Variants in CNTNAP2 observed in about 807,000 individuals in gnomAD.
The protein encoded by CNTNAP2 is contactin-associated protein-like 2.
CNTNAP2 carries 98 observed loss-of-function variants against 155.2 expected under a neutral mutation model. The ratio of observed to expected loss-of-function variants is 0.63; its 90% CI spans 0.54 to 0.75. The LOEUF (loss-of-function observed/expected upper bound fraction) is 0.75. Among genes scored for constraint, CNTNAP2 ranks in the 30% least tolerant of loss-of-function variants. CNTNAP2 has a pLI of 0.00. For missense variants in CNTNAP2, 1,727 were observed against 1,688.1 expected (o/e 1.02, Z -0.40); for synonymous variants, 651 against 631.2 (o/e 1.03, Z -0.47).
At position 148,229,787 on chromosome 7, in the gene CNTNAP2, T is replaced by G. The variant is rs1457382578; in HGVS notation, c.3381+8T>G. 1.9e-6 allele frequency: 3 copies of G among 1,614,018 alleles called. No homozygotes were observed. In the East Asian group the frequency reaches 6.7e-5, roughly 36 times the overall value. ...AAGACCATCTTTCTCAAGGTATACATACATGTACATATAAATTACATATAA... is the reference window on the plus strand; with the variant it reads ...AAGACCATCTTTCTCAAGGTATACAGACATGTACATATAAATTACATATAA... On this transcript the variant is annotated splice_region_variant and intron_variant, in intron 20 of 23. Transcript: ENST00000361727.
chr7:147,999,946 T>C (rs1341825983), intron 15 of CNTNAP2, among the ~76,000 whole-genome samples: 2 of 152,138 alleles, frequency 1.3e-5, no homozygotes, highest in Non-Finnish European at 2.9e-5. Flanking sequence ...CCCCCAGTAC[T>C]GTGGGAGAAT....
chr7:147,399,178 C>T (rs778245774), intron 10 of CNTNAP2, among the ~76,000 whole-genome samples: 4 of 152,052 alleles, frequency 2.6e-5, no homozygotes, highest in Non-Finnish European at 2.9e-5. Context: ...AAGGAATAGA[C>T]GCCAGAACAA....
chr7:147,522,739 T>A (rs1799249519), intron 11 of CNTNAP2, among the ~76,000 whole-genome samples: 3 of 136,874 alleles, frequency 2.2e-5, no homozygotes, highest in Middle Eastern at 5.2e-3. Context: ...GCTGTGCCCA[T>A]ACTCAAACTT....
chr7:148,077,047 T>G (rs1205965225), intron 15 of CNTNAP2, among the ~76,000 whole-genome samples: 2 of 151,896 alleles, frequency 1.3e-5, no homozygotes, highest in African/African-American at 4.8e-5. Context: ...GTGGGTCACG[T>G]CTGTAATCCC....
At chr7:146,214,388 A>G (rs1799082408) in intron 1 of CNTNAP2, among the ~76,000 whole-genome samples, 1 of 152,196 alleles carries the variant, frequency 6.6e-6, no homozygotes, top group Non-Finnish European at 1.5e-5. Flanking sequence ...TTTACCATTC[A>G]ACATTGTTTA....
intron 15 of CNTNAP2, among the ~76,000 whole-genome samples, chr7:148,095,882 T>C (rs1336953530): frequency 6.6e-6 from 1 of 152,236 alleles, no homozygotes; most frequent in East Asian, 1.9e-4. Flanking sequence ...CACAGTGGAA[T>C]GCTTTATTGC....
chr7:148,037,781 T>C (rs1802597929), intron 15 of CNTNAP2, among the ~76,000 whole-genome samples: 1 of 152,254 alleles, frequency 6.6e-6, no homozygotes, highest in African/African-American at 2.4e-5. Context: ...CATAGACATG[T>C]ATGAATAGGA....
chr7:148,145,056 C>G (rs1008719168), intron 16 of CNTNAP2, among the ~76,000 whole-genome samples: 1 of 152,084 alleles, frequency 6.6e-6, no homozygotes, highest in Admixed American at 6.6e-5. Context: ...AAAAAAGAGC[C>G]CTTTCCTTGG....
At chr7:147,987,577 G>A (rs1471516186) in intron 15 of CNTNAP2, among the ~76,000 whole-genome samples, 1 of 152,214 alleles carries the variant, frequency 6.6e-6, no homozygotes, top group Non-Finnish European at 1.5e-5. Flanking sequence ...TTTATTCTGA[G>A]CCAAATATGA....
intron 1 of CNTNAP2, among the ~76,000 whole-genome samples, chr7:146,717,112 G>A (rs1483862037): frequency 1.3e-5 from 2 of 152,034 alleles, no homozygotes; most frequent in African/African-American, 4.8e-5. Flanking sequence ...AGGTTATATA[G>A]GTGAAAGATC....
In CNTNAP2 at chr7:147,258,093, T is replaced by C. The variant is rs927900435; in HGVS notation, c.1349-42048T>C. On this transcript the variant is annotated intron_variant, in intron 8 of 23. Coordinates refer to ENST00000361727, the MANE Select transcript of CNTNAP2 (RefSeq NM_014141.6). ...AATATAGAGACAGAGACGTTCAAAG[T>C]AATAGATGGCAAGAAACCACAGGAA... is the stretch of plus-strand genomic sequence containing the variant. 3.9e-5 allele frequency among the ~76,000 whole-genome samples: 6 copies of C among 152,206 alleles called. No homozygotes were observed. In the South Asian group the frequency reaches 1.0e-3, roughly 26 times the overall value.
At chr7:146,584,598 C>G (rs554830944) in intron 1 of CNTNAP2, among the ~76,000 whole-genome samples, 5 of 152,148 alleles carry the variant, frequency 3.3e-5, no homozygotes, top group African/African-American at 1.2e-4. Context: ...TTCACATCCT[C>G]GCACTACATC....
At chr7:148,049,972 G>C (rs1304425307) in intron 15 of CNTNAP2, among the ~76,000 whole-genome samples, 2 of 152,114 alleles carry the variant, frequency 1.3e-5, no homozygotes, top group African/African-American at 4.8e-5. Context: ...AGACCAGCCT[G>C]GTTAACATGC....
At chr7:147,792,996 T>C (rs1474909591) in intron 13 of CNTNAP2, among the ~76,000 whole-genome samples, 1 of 152,186 alleles carries the variant, frequency 6.6e-6, no homozygotes, top group African/African-American at 2.4e-5. Context: ...TTTATCTTAC[T>C]TGGAGCAAGT....
At chr7:148,044,148 G>A (rs933723815) in intron 15 of CNTNAP2, among the ~76,000 whole-genome samples, 9 of 150,100 alleles carry the variant, frequency 6.0e-5, no homozygotes, top group South Asian at 4.2e-4. Flanking sequence ...GTGTGGATCC[G>A]AGTTCATATC....
chr7:148,324,623 C>A (rs1410201057), intron 21 of CNTNAP2, among the ~76,000 whole-genome samples: 1 of 151,988 alleles, frequency 6.6e-6, no homozygotes, highest in Non-Finnish European at 1.5e-5. Context: ...CATGGCAAAA[C>A]CCCATCTCTA....
chr7:146,328,375 G>C (rs1801129607), intron 1 of CNTNAP2, among the ~76,000 whole-genome samples: 1 of 152,048 alleles, frequency 6.6e-6, no homozygotes, highest in South Asian at 2.1e-4. Flanking sequence ...CTTCTCCTTT[G>C]TTTTTCCAGC....
At chr7:146,233,788 C>G (rs185669643) in intron 1 of CNTNAP2, among the ~76,000 whole-genome samples, 2,873 of 151,988 alleles carry the variant, frequency 0.019, 31 homozygotes, top group Non-Finnish European at 0.027. Context: ...CTACAAAGCA[C>G]AGGAACTCAT....
intron 16 of CNTNAP2, among the ~76,000 whole-genome samples, chr7:148,137,679 A>AGGAAGGAAGGAAGGAAGGAAGGAT (rs1804984773): frequency 1.1e-5 from 1 of 93,468 alleles, no homozygotes; most frequent in African/African-American, 4.4e-5. Flanking sequence ...AAAGGAAGGA[A>AGGAAGGAAGGAAGGAAGGAAGGAT]GGAAGGAAGG....
Sources: allele counts gnomAD v4.1 joint callset (sites outside exome capture counted in the v4.1 genomes callset), GRCh38; gene constraint gnomAD v4.1.1; transcripts MANE v1.5; gene names NCBI Gene and HGNC (gene_info 2026-07-23, HGNC 2026-07-21).